Variants in CNGB3 observed in about 807,000 individuals in gnomAD.
The protein encoded by CNGB3 is cyclic nucleotide-gated channel beta-3.
Under a neutral mutation model 92.8 loss-of-function variants are expected in CNGB3, and 86 were observed. The ratio of observed to expected loss-of-function variants is 0.93; its 90% confidence interval spans 0.78 to 1.11. The LOEUF is 1.11. Ranked by LOEUF, CNGB3 falls within the 50% of genes least tolerant of loss-of-function variation. The pLI is 0.00. For missense variants in CNGB3, 1,026 were observed against 956.8 expected, an observed-to-expected ratio of 1.07 and a Z score of -0.95; for synonymous variants, 333 against 332.7, an observed-to-expected ratio of 1.00 and a Z score of -0.01.
At chr8:86,581,329 G>A (rs191355005) in intron 15 of CNGB3, among the ~76,000 whole-genome samples, 5 of 152,224 alleles carry the variant, frequency 3.3e-5, no homozygotes, top group African/African-American at 1.2e-4. Context: ...GGCTGAATGT[G>A]GACTAGCATG....
intron 6 of CNGB3, among the ~76,000 whole-genome samples, chr8:86,654,703 AC>A (rs1224854887): frequency 1.3e-5 from 2 of 152,138 alleles, no homozygotes; most frequent in African/African-American, 4.8e-5. Context: ...TTTCCATGAA[AC>A]TTTTTCTTTT....
At chr8:86,589,898 G>A (rs1430879677) in intron 15 of CNGB3, among the ~76,000 whole-genome samples, 6 of 151,856 alleles carry the variant, frequency 4.0e-5, no homozygotes, top group Middle Eastern at 3.4e-3. Flanking sequence ...TATCCCTGTT[G>A]ACTTTCTGTC....
At chr8:86,715,585 C>T (rs775887321) in intron 3 of CNGB3, among the ~76,000 whole-genome samples, 9 of 151,958 alleles carry the variant, frequency 5.9e-5, no homozygotes, top group African/African-American at 1.7e-4. Context: ...AAATAGTCTA[C>T]GCAAATGAGA....
At chr8:86,669,385 T>C (rs1006238401) in intron 4 of CNGB3, among the ~76,000 whole-genome samples, 11 of 152,190 alleles carry the variant, frequency 7.2e-5, no homozygotes, top group Admixed American at 2.0e-4. Flanking sequence ...AATTTGGAAA[T>C]ATGTAACAGG....
intron 10 of CNGB3, among the ~76,000 whole-genome samples, chr8:86,635,875 T>G: frequency 1.6e-5 from 2 of 124,360 alleles, no homozygotes; most frequent in South Asian, 2.5e-4. Flanking sequence ...CACATACACA[T>G]ATACTTAGGC....
At chr8:86,630,660 G>A (rs58824269) in intron 11 of CNGB3, among the ~76,000 whole-genome samples, 49,959 of 151,978 alleles carry the variant, frequency 0.33, 9,611 homozygotes, top group Middle Eastern at 0.5. Context: ...GAGGCCAAGA[G>A]GTCAAGACCA....
chr8:86,646,955 G>A (rs899269885), intron 8 of CNGB3, among the ~76,000 whole-genome samples: 6 of 150,874 alleles, frequency 4.0e-5, no homozygotes, highest in Admixed American at 6.6e-5. Flanking sequence ...GCCCCTATCC[G>A]TCCTGATTTT....
chr8:86,630,639 G>A (rs1408774902), intron 11 of CNGB3, among the ~76,000 whole-genome samples: 2 of 152,118 alleles, frequency 1.3e-5, no homozygotes, highest in African/African-American at 4.8e-5. Context: ...GATGAGGTGG[G>A]AGAATCACTT....
chr8:86,662,373 A>T (rs1439289338), intron 6 of CNGB3, among the ~76,000 whole-genome samples: 2 of 152,250 alleles, frequency 1.3e-5, no homozygotes, highest in Non-Finnish European at 2.9e-5. Flanking sequence ...TAAATAAGTG[A>T]ATCGAATACT....
At chr8:86,619,127 T>C (rs1017108748) in intron 13 of CNGB3, among the ~76,000 whole-genome samples, 4 of 152,218 alleles carry the variant, frequency 2.6e-5, no homozygotes, top group African/African-American at 4.8e-5. Context: ...TCTGGGTCTC[T>C]GGTTTCCTAC....
At chr8:86,735,055 T>G (rs1008928188) in intron 2 of CNGB3, among the ~76,000 whole-genome samples, 19 of 144,662 alleles carry the variant, frequency 1.3e-4, no homozygotes, top group Admixed American at 2.8e-4. Context: ...TTTTTTTTTT[T>G]TTTTTTTTTT....
At chr8:86,671,367 A>G (rs1823859591) in intron 3 of CNGB3, among the ~76,000 whole-genome samples, 1 of 152,192 alleles carries the variant, frequency 6.6e-6, no homozygotes, top group Non-Finnish European at 1.5e-5. Context: ...ATTACATTGT[A>G]TCACTAGGAC....
In CNGB3 at chr8:86,724,009, T is replaced by C. The variant is rs200496088; in HGVS notation, c.338+2522A>G. Among the ~76,000 whole-genome samples the C allele has an allele frequency of 3.7e-4, 56 of 152,204 alleles. No homozygotes were observed. The East Asian group carries it at 4.1e-3, about 11-fold the overall frequency. ...CACAAGGACACGTTGAAGAAAACAATAGACATCAGAGCCTACTTGAGGATG... is the reference window on the plus strand; with the variant it reads ...CACAAGGACACGTTGAAGAAAACAACAGACATCAGAGCCTACTTGAGGATG... On this transcript the variant is annotated intron_variant, in intron 3 of 17. Transcript: ENST00000320005.
At chr8:86,631,550 T>C (rs1048771423) in intron 11 of CNGB3, among the ~76,000 whole-genome samples, 62 of 152,196 alleles carry the variant, frequency 4.1e-4, no homozygotes, top group African/African-American at 1.4e-3. Context: ...CAACTTCACG[T>C]TGATTTTACT....
intron 15 of CNGB3, among the ~76,000 whole-genome samples, chr8:86,584,574 T>C (rs1821856954): frequency 6.6e-6 from 1 of 151,060 alleles, no homozygotes; most frequent in Non-Finnish European, 1.5e-5. Context: ...ATAGCATCTT[T>C]TTTTTTTTTC....
intron 3 of CNGB3, among the ~76,000 whole-genome samples, chr8:86,678,268 A>C (rs1254188989): frequency 6.6e-6 from 1 of 152,172 alleles, no homozygotes; most frequent in Non-Finnish European, 1.5e-5. Flanking sequence ...AATAGCACAA[A>C]ATTATGATTT....
At chr8:86,641,530 G>T (rs1224637872) in intron 10 of CNGB3, among the ~76,000 whole-genome samples, 2 of 151,802 alleles carry the variant, frequency 1.3e-5, no homozygotes, top group Non-Finnish European at 2.9e-5. Context: ...ATCTTATGTT[G>T]TGTCTTCTAT....
chr8:86,623,944 T>C (rs1173390802), intron 13 of CNGB3, among the ~76,000 whole-genome samples: 1 of 152,228 alleles, frequency 6.6e-6, no homozygotes, highest in Non-Finnish European at 1.5e-5. Context: ...ACCCTGGGTC[T>C]GTTCACCATC....
intron 13 of CNGB3, among the ~76,000 whole-genome samples, chr8:86,621,836 G>A (rs1444497058): frequency 3.3e-5 from 5 of 152,138 alleles, no homozygotes; most frequent in Non-Finnish European, 7.3e-5. Flanking sequence ...AGGCTGAGAT[G>A]GGCAGATCAG....
Sources: allele counts gnomAD v4.1 joint callset (sites outside exome capture counted in the v4.1 genomes callset), GRCh38; gene constraint gnomAD v4.1.1; transcripts MANE v1.5; gene names NCBI Gene and HGNC (gene_info 2026-07-23, HGNC 2026-07-21).